Variants in AZIN2 observed in about 807,000 individuals in gnomAD.
AZIN2 encodes ODC antizyme inhibitor-2.
In AZIN2, 28 loss-of-function variants were observed where a neutral mutation model predicts 47.8. The observed-to-expected ratio is 0.59, with a 90% confidence interval of 0.43 to 0.80. The LOEUF is 0.80. Among genes scored for constraint, AZIN2 ranks in the 30% least tolerant of loss-of-function variants. AZIN2 has a pLI of 0.00. For missense variants in AZIN2, 535 were observed against 582.5 expected (o/e 0.92, Z 0.84); for synonymous variants, 221 against 239.4 (o/e 0.92, Z 0.71).
intron 5 of AZIN2, among the ~76,000 whole-genome samples, chr1:33,090,518 T>A (rs987712685): frequency 3.9e-5 from 6 of 152,216 alleles, no homozygotes; most frequent in African/African-American, 1.4e-4. Flanking sequence ...GTGATCTCTG[T>A]CCAAAAGATC....
the AZIN2 span, among the ~76,000 whole-genome samples, chr1:33,153,241 G>A: frequency 6.6e-6 from 1 of 152,324 alleles, no homozygotes; most frequent in Non-Finnish European, 1.5e-5. Flanking sequence ...GAGCCAGACT[G>A]ACTTCACAGG....
intron 5 of AZIN2, among the ~76,000 whole-genome samples, chr1:33,091,505 G>A (rs1192514303): frequency 6.6e-6 from 1 of 152,052 alleles, no homozygotes; most frequent in African/African-American, 2.4e-5. Context: ...CTCCCAAAGT[G>A]TTGGGGTTAC....
chr1:33,129,892 T>C, the AZIN2 span, among the ~76,000 whole-genome samples: 1 of 152,138 alleles, frequency 6.6e-6, no homozygotes, highest in African/African-American at 2.4e-5. This position sits in a 1 kb window ranked among gnomAD's most constrained non-coding sequence, Gnocchi z 4.1. Context: ...GGAGTTTTGC[T>C]TTTGTTGGTC....
At chr1:33,154,986 G>A in the AZIN2 span, among the ~76,000 whole-genome samples, 1 of 149,736 alleles carries the variant, frequency 6.7e-6, no homozygotes, top group South Asian at 2.1e-4. Context: ...CCAGCTACTC[G>A]GGAGGCTGAG....
the AZIN2 span, among the ~76,000 whole-genome samples, chr1:33,144,589 G>A: frequency 1.3e-4 from 20 of 152,338 alleles, no homozygotes; most frequent in South Asian, 1.7e-3. Context: ...CCTGTCTATA[G>A]TACTCAGTAA....
At chr1:33,111,671 G>A (rs1644294033) in intron 10 of AZIN2, among the ~76,000 whole-genome samples, 1 of 150,884 alleles carries the variant, frequency 6.6e-6, no homozygotes, top group Non-Finnish European at 1.5e-5. Flanking sequence ...GCAGTGGCTC[G>A]GCTCACTGCA....
the AZIN2 span, among the ~76,000 whole-genome samples, chr1:33,155,098 G>T: frequency 3.2e-4 from 45 of 140,338 alleles, no homozygotes; most frequent in African/African-American, 1.1e-3. Context: ...ATCTCAAAAG[G>T]TCTCGCTCTG....
the AZIN2 span, chr1:33,145,716 C>G: frequency 1.1e-5 from 4 of 369,354 alleles, no homozygotes; most frequent in South Asian, 2.1e-5. Context: ...GCCCACTCCT[C>G]CAGTTCCCAC....
At chr1:33,086,472 C>G (rs988235041) in intron 5 of AZIN2, among the ~76,000 whole-genome samples, 3 of 152,196 alleles carry the variant, frequency 2.0e-5, no homozygotes, top group Non-Finnish European at 4.4e-5. Context: ...CATGCAGACC[C>G]TTTGGTGCGC....
rs1642933668 is a variant in AZIN2, at chr1:33,094,576, C to G, written c.616C>G (p.Pro206Ala). Residue 206 changes from proline (P) to alanine (A), a missense_variant, in exon 8 of 12, where the codon CCT becomes GCT. Pro to Ala is a conservative substitution (Grantham distance 27). Transcript: ENST00000294517. ...TCACATTGGCAGTGGCTGTCCTGAC[C>G]CTCAGGCCTATGCTCAGTCCATCGC... ...SFHIGSGCPD[P>A]QAYAQSIADA... 1.2e-6 allele frequency: 2 copies of G among 1,613,930 alleles called. No individual in the cohort carries two copies. Among genetic ancestry groups the G allele is most frequent in the Non-Finnish European group, 1.7e-6 (2 of 1,179,962 alleles).
chr1:33,120,001 A>C (rs1221579580), intron 11 of AZIN2, 43 bp from the exon 12 acceptor site: 1 of 1,611,714 alleles, frequency 6.2e-7, no homozygotes, highest in Non-Finnish European at 8.5e-7. Context: ...GGGCCCTGCC[A>C]GTCCCATGCT....
chr1:33,157,038 C>T, the AZIN2 span, among the ~76,000 whole-genome samples: 2,653 of 151,326 alleles, frequency 0.018, 77 homozygotes, highest in African/African-American at 0.056. Flanking sequence ...TCACCCCCTT[C>T]GGTCTATTCT....
chr1:33,152,871 G>A, the AZIN2 span, among the ~76,000 whole-genome samples: 1 of 152,146 alleles, frequency 6.6e-6, no homozygotes, highest in Non-Finnish European at 1.5e-5. Flanking sequence ...CCCAGGATGG[G>A]GAGAAGGCAG....
rs1644754325 is a variant in AZIN2, at chr1:33,120,133, C to T, written c.1334C>T (p.Thr445Ile). 1 of 1,613,866 alleles carries T rather than the reference C, an allele frequency of 6.2e-7. No individual in the cohort carries two copies. Among genetic ancestry groups the T allele is most frequent in the East Asian group, 2.2e-5 (1 of 44,886 alleles). The change falls in exon 12 of 12, where the codon ACA becomes ATA. Residue 445 changes from threonine to isoleucine, a missense_variant. Around this residue, in one of 3 missense-constraint regions of AZIN2, gnomAD observed 122 missense variants for 135.8 expected, o/e 0.90. Transcript: ENST00000294517. The part of the protein sequence containing the change: ...CKPLSCGWEI[T>I]DTLCVGPVFT... ...CCTCTGTCCTGCGGCTGGGAGATCA[C>T]AGACACCCTGTGCGTGGGCCCTGTC...
the AZIN2 span, among the ~76,000 whole-genome samples, chr1:33,154,831 C>T: frequency 1.0e-4 from 15 of 149,362 alleles, no homozygotes; most frequent in Admixed American, 3.3e-4. Context: ...CGGTGATTCA[C>T]GCCTGTAATC....
chr1:33,165,527 C>G, the AZIN2 span: 9 of 1,611,212 alleles, frequency 5.6e-6, no homozygotes, highest in South Asian at 3.3e-5. The surrounding 1 kb of genome is among the most constrained non-coding windows in gnomAD (Gnocchi z 4.0). Context: ...TGTTCCCGCT[C>G]GCTGTCTTGA....
the AZIN2 span, among the ~76,000 whole-genome samples, chr1:33,141,360 C>T: frequency 6.6e-6 from 1 of 152,186 alleles, no homozygotes; most frequent in Non-Finnish European, 1.5e-5. Context: ...CAATCTCCCT[C>T]CCCTATGTGC....
the AZIN2 span, among the ~76,000 whole-genome samples, chr1:33,160,253 G>A: frequency 2.0e-5 from 3 of 152,120 alleles, no homozygotes; most frequent in African/African-American, 7.2e-5. Context: ...TGCTGTGTTG[G>A]CTAGAGGGGT....
At chr1:33,153,384 C>G in the AZIN2 span, among the ~76,000 whole-genome samples, 3 of 152,238 alleles carry the variant, frequency 2.0e-5, no homozygotes, top group Admixed American at 2.0e-4. Flanking sequence ...GCAGCTTTCT[C>G]TAGAGCAGTG....
Sources: gnomAD v4.1 joint callset for allele counts (sites outside exome capture counted in the v4.1 genomes callset) on GRCh38, gnomAD v4.1.1 for gene constraint, gnomAD v4.1.1 regional missense constraint, Gnocchi (gnomAD v3.1) non-coding constraint, MANE v1.5 for transcripts, NCBI Gene and HGNC (gene_info 2026-07-23, HGNC 2026-07-21) for gene names.